KIF26B: variants seen among roughly 807,000 people sequenced by gnomAD.
The protein encoded by KIF26B is kinesin-like protein KIF26B.
Under a neutral mutation model 151.2 loss-of-function variants are expected in KIF26B, and 63 were observed. The ratio of observed to expected loss-of-function variants is 0.42; its 90% confidence interval spans 0.34 to 0.51. The LOEUF is 0.51. Ranked by LOEUF, KIF26B falls within the 20% of genes least tolerant of loss-of-function variation. The pLI is 0.07. For synonymous variants in KIF26B, 1,357 were observed against 1,262.1 expected, an observed-to-expected ratio of 1.08 and a Z score of -1.59; for missense variants, 2,813 against 2,913.6, an observed-to-expected ratio of 0.97 and a Z score of 0.79.
chr1:245,567,719 G>A lies in KIF26B; in HGVS notation c.1350+26769G>A, dbSNP rs147871144. 6.0e-3 allele frequency among the ~76,000 whole-genome samples: 908 copies of A among 152,226 alleles called. 6 individuals carry two copies. Among genetic ancestry groups the A allele is most frequent in the Non-Finnish European group, 7.9e-3 (538 of 68,026 alleles). ...AAATGACTCCCATGAGCAGGCCTTT[G>A]CAAAATTTCAGAGTGTTGTACAGCT... On this transcript the variant is annotated intron_variant, in intron 5 of 14. Transcript: ENST00000407071.
At chr1:245,342,968 T>C (rs963003012) in intron 2 of KIF26B, among the ~76,000 whole-genome samples, 41 of 151,676 alleles carry the variant, frequency 2.7e-4, no homozygotes, top group African/African-American at 7.3e-4. Flanking sequence ...CGCCTGTAAT[T>C]CCAGCTACTT....
chr1:245,556,275 T>C (rs796916946), intron 5 of KIF26B, among the ~76,000 whole-genome samples: 2 of 56,334 alleles, frequency 3.6e-5, no homozygotes, highest in African/African-American at 1.2e-4. Context: ...CCTCCTCCTC[T>C]TCTTCTTCTT....
intron 10 of KIF26B, among the ~76,000 whole-genome samples, chr1:245,649,343 C>G (rs544763249): frequency 3.0e-4 from 46 of 152,262 alleles, no homozygotes; most frequent in Non-Finnish European, 4.7e-4. Context: ...TCAGAGGCCT[C>G]GACAGTTCCC....
chr1:245,686,003 C>A lies in KIF26B; in HGVS notation c.3020C>A (p.Pro1007His). 1 of 1,586,866 alleles carries A rather than the reference C, an allele frequency of 6.3e-7. No individual in the cohort carries two copies. The highest frequency in any genetic ancestry group is 1.1e-5 in the South Asian group (1 of 88,104). Residue 1007 changes from proline (P) to histidine (H), a missense_variant, in exon 12 of 15, where the codon CCT becomes CAT. Physicochemically the swap from Pro to His is moderately conservative, Grantham distance 77. Transcript: ENST00000407071. This position sits in a 1 kb window ranked among gnomAD's most constrained non-coding sequence, Gnocchi z 5.6. ...TCCAAGATGCAGAGGAGTCACTCAC[C>A]TGTGCCCGCCGCGGCACCCGCCCAC... Reference protein sequence around the residue: ...PASKMQRSHSPVPAAAPAHSP... With the variant: ...PASKMQRSHSHVPAAAPAHSP...
chr1:245,492,244 C>T (rs207461387), intron 4 of KIF26B, among the ~76,000 whole-genome samples: 11 of 152,332 alleles, frequency 7.2e-5, no homozygotes, highest in Middle Eastern at 3.4e-3. Context: ...TTAAACCCTT[C>T]GGAGTGGTCA....
intron 2 of KIF26B, among the ~76,000 whole-genome samples, chr1:245,306,721 G>A (rs908542175): frequency 2.0e-5 from 3 of 152,108 alleles, no homozygotes; most frequent in Admixed American, 2.0e-4. Flanking sequence ...AACTGGATAT[G>A]TTTTCTCCTT....
chr1:245,397,911 A>G lies in KIF26B; in HGVS notation c.1000-21668A>G, dbSNP rs141336102. Among the ~76,000 whole-genome samples, 56 of 152,352 alleles carry G rather than the reference A, an allele frequency of 3.7e-4. No individual in the cohort carries two copies. The East Asian group carries it at 9.5e-3, about 26-fold the overall frequency. Reference sequence around the variant, plus strand: ...TCTAGGGCATGTGGACGAGGTCCAGATGAGGACAAGTTTCCTGCTCTCAAA... The same window carrying G: ...TCTAGGGCATGTGGACGAGGTCCAGGTGAGGACAAGTTTCCTGCTCTCAAA... On this transcript the variant is annotated intron_variant, in intron 3 of 14. Coordinates refer to ENST00000407071, the MANE Select transcript of KIF26B (RefSeq NM_018012.4).
At chr1:245,452,065 A>G (rs1218542142) in intron 4 of KIF26B, among the ~76,000 whole-genome samples, 1 of 152,068 alleles carries the variant, frequency 6.6e-6, no homozygotes, top group Admixed American at 6.5e-5. Flanking sequence ...ATCCCTCCAA[A>G]CAATCTCTGT....
intron 5 of KIF26B, among the ~76,000 whole-genome samples, chr1:245,558,332 C>G (rs1297919031): frequency 6.6e-6 from 1 of 152,000 alleles, no homozygotes; most frequent in East Asian, 1.9e-4. Context: ...CTCGCCTGCC[C>G]CCTTGACTCC....
chr1:245,394,186 C>T (rs1049393806), intron 3 of KIF26B, among the ~76,000 whole-genome samples: 1 of 152,184 alleles, frequency 6.6e-6, no homozygotes, highest in Admixed American at 6.5e-5. Context: ...GTTGCAGTTT[C>T]TTCCTCTCCC....
chr1:245,299,876 A>G (rs1573760842), intron 2 of KIF26B, among the ~76,000 whole-genome samples: 1 of 152,234 alleles, frequency 6.6e-6, no homozygotes, highest in African/African-American at 2.4e-5. Flanking sequence ...TCTCATGACT[A>G]AGGTCTGCAG....
At chr1:245,411,675 A>AG (rs1674287867) in intron 3 of KIF26B, among the ~76,000 whole-genome samples, 1 of 152,176 alleles carries the variant, frequency 6.6e-6, no homozygotes, top group South Asian at 2.1e-4. Flanking sequence ...TGCTCCTTAG[A>AG]GGGAGCCTGT....
chr1:245,454,928 G>A (rs1471081416), intron 4 of KIF26B, among the ~76,000 whole-genome samples: 1 of 152,206 alleles, frequency 6.6e-6, no homozygotes, highest in Non-Finnish European at 1.5e-5. Flanking sequence ...CTCAGTTTTG[G>A]ATGATCACAA....
In KIF26B at chr1:245,540,800, G is replaced by C; in HGVS notation, c.1200G>C (p.Lys400Asn). ...AGAAGTTAAATCTGTCTTCTAAAAA[G>C]AAGAAACATCGGCCTTCCACTTCTT... Reference protein sequence around the residue: ...AAQKLNLSSKKKKHRPSTSSA... With the variant: ...AAQKLNLSSKNKKHRPSTSSA... Residue 400 changes from lysine (K) to asparagine (N), a missense_variant, in exon 5 of 15, where the codon AAG (lysine) becomes AAC (asparagine). Physicochemically the swap from Lys to Asn is moderately conservative, Grantham distance 94. Coordinates refer to ENST00000407071, the MANE Select transcript of KIF26B (RefSeq NM_018012.4). The surrounding 1 kb of genome is among the most constrained non-coding windows in gnomAD (Gnocchi z 4.6). 1.2e-6 allele frequency: 2 copies of C among 1,613,972 alleles called. No individual in the cohort carries two copies. The highest frequency in any genetic ancestry group is 1.7e-6 in the Non-Finnish European group (2 of 1,179,890).
chr1:245,367,159 A>G lies in KIF26B; in HGVS notation c.791A>G (p.His264Arg). ...TSNYTGFANKHGSKPSSLGVS... is the reference protein window; with the variant it reads ...TSNYTGFANKRGSKPSSLGVS... ...AACTACACAGGCTTCGCCAACAAGCACGGCAGCAAACCCAGCAGCCTTGGG... is the reference window on the plus strand; with the variant it reads ...AACTACACAGGCTTCGCCAACAAGCGCGGCAGCAAACCCAGCAGCCTTGGG... The change falls in exon 3 of 15, where the codon CAC becomes CGC. Residue 264 changes from histidine (H) to arginine (R), a missense_variant. Physicochemically the swap from His to Arg is conservative, Grantham distance 29. This residue lies in a region of KIF26B where 676 missense variants were observed against 688.1 expected (regional missense o/e 0.98). Coordinates refer to ENST00000407071, the MANE Select transcript of KIF26B (RefSeq NM_018012.4). This position sits in a 1 kb window ranked among gnomAD's most constrained non-coding sequence, Gnocchi z 4.2. 6.2e-7 allele frequency: 1 copy of G among 1,604,868 alleles called. No individual in the cohort carries two copies. Among genetic ancestry groups the G allele is most frequent in the Non-Finnish European group, 8.5e-7 (1 of 1,175,674 alleles).
intron 4 of KIF26B, among the ~76,000 whole-genome samples, chr1:245,489,051 C>A (rs1024625400): frequency 6.6e-6 from 1 of 152,232 alleles, no homozygotes. Flanking sequence ...AAAGCGAATT[C>A]TCATCTCTTC....
chr1:245,661,628 CAATA>C, intron 10 of KIF26B, among the ~76,000 whole-genome samples: 1 of 150,030 alleles, frequency 6.7e-6, no homozygotes, highest in Non-Finnish European at 1.5e-5. Context: ...CACACACACC[CAATA>C]TATATATACA....
intron 4 of KIF26B, among the ~76,000 whole-genome samples, chr1:245,472,044 G>A (rs950794074): frequency 3.3e-5 from 5 of 152,110 alleles, no homozygotes; most frequent in African/African-American, 7.2e-5. Context: ...CGCCCACCTC[G>A]GCTTCTCAAA....
intron 9 of KIF26B, among the ~76,000 whole-genome samples, chr1:245,635,566 C>T (rs2043826047): frequency 6.6e-6 from 1 of 152,060 alleles, no homozygotes; most frequent in African/African-American, 2.4e-5. Flanking sequence ...AAAGAACCAA[C>T]TTTTGATTCA....
Sources: allele counts gnomAD v4.1 joint callset (sites outside exome capture counted in the v4.1 genomes callset), GRCh38; gene constraint gnomAD v4.1.1; regional missense constraint gnomAD v4.1.1; non-coding constraint Gnocchi (gnomAD v3.1); transcripts MANE v1.5; gene names NCBI Gene and HGNC (gene_info 2026-07-23, HGNC 2026-07-21).